Variants in SF3B1 observed in about 807,000 individuals in gnomAD.
SF3B1 encodes pre-mRNA processing 10.
In SF3B1, 12 loss-of-function variants were observed where a neutral mutation model predicts 153.8. The ratio of observed to expected loss-of-function variants is 0.08; its 90% CI spans 0.05 to 0.13. The LOEUF is 0.13. Among genes scored for constraint, SF3B1 ranks in the 10% least tolerant of loss-of-function variants. The pLI, the probability that SF3B1 is intolerant of heterozygous loss-of-function variation, is 1.00. For synonymous variants in SF3B1, 498 were observed against 525.2 expected, an observed-to-expected ratio of 0.95 and a Z score of 0.71; for missense variants, 513 against 1,606.1, an observed-to-expected ratio of 0.32 and a Z score of 11.63.
chr2:197,408,163 T>A (rs755538848), intron 8 of SF3B1, 44 bp from the exon 9 acceptor site: 1 of 1,519,290 alleles, frequency 6.6e-7, no homozygotes. Context: ...AGTACAAGAC[T>A]GTATTATTAC....
At chr2:197,394,184 C>CA (rs899536134) in intron 23 of SF3B1, among the ~76,000 whole-genome samples, 75 of 144,642 alleles carry the variant, frequency 5.2e-4, no homozygotes, top group South Asian at 1.5e-3. Context: ...AACTCTGTCT[C>CA]AAAAAAAAAA....
At chr2:197,414,912 G>A (rs879365896) in intron 6 of SF3B1, among the ~76,000 whole-genome samples, 1 of 152,008 alleles carries the variant, frequency 6.6e-6, no homozygotes, top group Non-Finnish European at 1.5e-5. Flanking sequence ...GTTGAGGTGG[G>A]AAGATCATTT....
intron 1 of SF3B1, among the ~76,000 whole-genome samples, chr2:197,425,842 A>G (rs2085327415): frequency 1.3e-5 from 2 of 152,020 alleles, no homozygotes; most frequent in East Asian, 3.9e-4. Context: ...TCTACAAAAA[A>G]TACTAAAATT....
chr2:197,392,233 T>C lies in SF3B1; in HGVS notation c.*70A>G, dbSNP rs2084817112. ...CACTGATCTGCAATGTTTAAAAGTT[T>C]ACATCACCAAATCAAAGCAAGTTTA... On this transcript the variant is annotated 3_prime_UTR_variant, in exon 25 of 25. Transcript: ENST00000335508. 1 of 704,234 alleles carries C rather than the reference T, an allele frequency of 1.4e-6. No individual in the cohort carries two copies. The highest frequency in any genetic ancestry group is 2.5e-5 in the East Asian group (1 of 39,382). 43.6% of individuals were successfully genotyped at this position (704,234 alleles called of 1,614,324 possible). A position where few individuals can be genotyped will look rare whatever the true frequency, so the allele number is the denominator to read the frequency against.
chr2:197,393,259 C>A, intron 23 of SF3B1, 71 bp from the exon 24 acceptor site: 1 of 971,334 alleles, frequency 1.0e-6, no homozygotes. Context: ...CTTAAAGATA[C>A]AGTCTTAGTT....
Position 197,401,350 on chromosome 2 carries a change from G to A in SF3B1, c.2496+50C>T. 6.6e-7 allele frequency: 1 copy of A among 1,525,150 alleles called. No individual in the cohort carries two copies. Among genetic ancestry groups the A allele is most frequent in the South Asian group, 1.2e-5 (1 of 82,528 alleles). 94.5% of individuals were successfully genotyped at this position (1,525,150 alleles called of 1,614,324 possible). On this transcript the variant is annotated intron_variant, in intron 17 of 24. Transcript: ENST00000335508. This position sits in a 1 kb window ranked among gnomAD's most constrained non-coding sequence, Gnocchi z 4.2. ...ACAACATGCATTCAAGTTGACTAAAGAATGAGTTGAAAGGACTTTTGAGAA... is the reference window on the plus strand; with the variant it reads ...ACAACATGCATTCAAGTTGACTAAAAAATGAGTTGAAAGGACTTTTGAGAA...
chr2:197,406,960 T>G (rs2105992558), intron 9 of SF3B1, among the ~76,000 whole-genome samples: 1 of 152,086 alleles, frequency 6.6e-6, no homozygotes, highest in South Asian at 2.1e-4. Context: ...TGGTAGTGCA[T>G]GCCTGTAGCC....
chr2:197,401,917 T>C lies in SF3B1; in HGVS notation c.2224-29A>G. ...TTTTTAAATAAAAAATATATGTACT[T>C]TAGTAATTTAGATTTATGTCGCCTT... On this transcript the variant is annotated intron_variant, in intron 15 of 24. Transcript: ENST00000335508. This position sits in a 1 kb window ranked among gnomAD's most constrained non-coding sequence, Gnocchi z 4.2. 6.3e-7 allele frequency: 1 copy of C among 1,587,864 alleles called. No individual in the cohort carries two copies. Among genetic ancestry groups the C allele is most frequent in the Non-Finnish European group, 8.5e-7 (1 of 1,170,310 alleles).
chr2:197,401,303 T>A lies in SF3B1; in HGVS notation c.2496+97A>T. The A allele has an allele frequency of 9.0e-7, 1 of 1,114,498 alleles. No individual in the cohort carries two copies. Among genetic ancestry groups the A allele is most frequent in the Non-Finnish European group, 1.3e-6 (1 of 770,998 alleles). 69.0% of individuals were successfully genotyped at this position (1,114,498 alleles called of 1,614,324 possible). ...AATCAAGCACATATAAACTGTGAGA[T>A]AATCAAGGCAAAAAATAATATACAA... is the stretch of plus-strand genomic sequence containing the variant. On this transcript the variant is annotated intron_variant, in intron 17 of 24. Transcript: ENST00000335508. This position sits in a 1 kb window ranked among gnomAD's most constrained non-coding sequence, Gnocchi z 4.2.
At chr2:197,420,585 TAACAA>T (rs768770316) in intron 3 of SF3B1, 43 bp from the exon 4 acceptor site, 2 of 1,311,124 alleles carry the variant, frequency 1.5e-6, no homozygotes, top group South Asian at 1.3e-5. Context: ...TTTATTAAAA[TAACAA>T]AACAGAATAT....
In SF3B1 at chr2:197,433,189, C is replaced by T. The variant is rs1388834120; in HGVS notation, c.28+1783G>A. On this transcript the variant is annotated intron_variant, in intron 1 of 24. Coordinates refer to ENST00000335508, the MANE Select transcript of SF3B1 (RefSeq NM_012433.4). ...CTACTAAACATTTATCATCCCCTGA[C>T]ATATCCCATAGGGATGGGCACAGAC... 2.0e-5 allele frequency among the ~76,000 whole-genome samples: 3 copies of T among 152,364 alleles called. No individual in the cohort carries two copies. The East Asian group carries it at 5.8e-4, about 29-fold the overall frequency.
rs2084959004 is a variant in SF3B1, at chr2:197,403,733, C to T, written c.1571G>A (p.Arg524His). The T allele has an allele frequency of 1.3e-6, 2 of 1,593,224 alleles. No individual in the cohort carries two copies. Among genetic ancestry groups the T allele is most frequent in the Admixed American group, 1.8e-5 (1 of 54,520 alleles). Residue 524 changes from arginine to histidine, a missense_variant, in exon 12 of 25, where the codon CGT (arginine) becomes CAT (histidine). Arg to His is a conservative substitution (Grantham distance 29). Around this residue, in one of 21 missense-constraint regions of SF3B1, gnomAD observed 34 missense variants for 190.8 expected, o/e 0.18. Transcript: ENST00000335508. ...AALRQITDKA[R>H]EFGAGPLFNQ... The stretch of plus-strand genomic sequence containing the variant: ...AAACAAAGGACCAGCTCCAAATTCA[C>T]GAGCTTTATCAGTAATCTGACGCAA...
At chr2:197,423,264 G>A (rs1306481701) in intron 2 of SF3B1, among the ~76,000 whole-genome samples, 1 of 151,754 alleles carries the variant, frequency 6.6e-6, no homozygotes, top group African/African-American at 2.4e-5. Flanking sequence ...GCAGGCGCCT[G>A]TAATCCCAGC....
In SF3B1 at chr2:197,408,001, A is replaced by G. The variant is rs1341640684; in HGVS notation, c.1236T>C (p.Tyr412=). 6.8e-6 allele frequency: 11 copies of G among 1,612,444 alleles called. No individual in the cohort carries two copies. Among genetic ancestry groups the G allele is most frequent in the South Asian group, 1.1e-5 (1 of 91,020 alleles). ...TCATTCAAATTTGATGTACTACCTT[A>G]TATCCTTCTGGGAACATAGCATCTA... ...EELDAMFPEG[Y]KVLPPPAGYV... The change falls in exon 9 of 25, where the codon TAT becomes TAC. Residue 412 remains tyrosine, a synonymous_variant. Coordinates refer to ENST00000335508, the MANE Select transcript of SF3B1 (RefSeq NM_012433.4).
At chr2:197,408,807 C>A in intron 7 of SF3B1, 1 of 512,382 alleles carries the variant, frequency 2.0e-6, no homozygotes, top group Non-Finnish European at 3.5e-6. Context: ...CTTGTAATCC[C>A]AGCTACTCAG....
In SF3B1 at chr2:197,423,788, G is replaced by T. The variant is rs1462156475; in HGVS notation, c.195+20C>A. 2 of 1,610,610 alleles carry T rather than the reference G, an allele frequency of 1.2e-6. No individual in the cohort carries two copies. The highest frequency in any genetic ancestry group is 2.2e-5 in the East Asian group (1 of 44,848). On this transcript the variant is annotated intron_variant, in intron 2 of 24. Coordinates refer to ENST00000335508, the MANE Select transcript of SF3B1 (RefSeq NM_012433.4). The stretch of plus-strand genomic sequence containing the variant: ...TCTCTCAAAAAAATAACTGCCTCTT[G>T]TACATAATTTGTAACTTACATCTTC...
At chr2:197,428,763 G>A (rs1283856803) in intron 1 of SF3B1, among the ~76,000 whole-genome samples, 1 of 151,972 alleles carries the variant, frequency 6.6e-6, no homozygotes, top group Non-Finnish European at 1.5e-5. Flanking sequence ...ACATGGTGGT[G>A]GCACGCCTGT....
Position 197,391,344 on chromosome 2 carries a change from T to C in SF3B1, c.*959A>G, listed in dbSNP as rs533603993. The C allele has an allele frequency of 1.3e-5, 2 of 152,290 alleles. No individual in the cohort carries two copies. Among genetic ancestry groups the C allele is most frequent in the Admixed American group, 1.3e-4 (2 of 15,296 alleles). 9.4% of individuals were successfully genotyped at this position (152,290 alleles called of 1,614,324 possible). On this transcript the variant is annotated 3_prime_UTR_variant, in exon 25 of 25. Coordinates refer to ENST00000335508, the MANE Select transcript of SF3B1 (RefSeq NM_012433.4). ...ATCTGTCACAAGGTTTGTCTCCCCT[T>C]CTCCATTATACTGTTCTTAAAGGTA... is the stretch of plus-strand genomic sequence containing the variant.
rs2084976390 is a variant in SF3B1, at chr2:197,405,136, T to C, written c.1479A>G (p.Lys493=). 2.5e-6 allele frequency: 4 copies of C among 1,612,828 alleles called. No homozygotes were observed. Among genetic ancestry groups the C allele is most frequent in the Non-Finnish European group, 2.5e-6 (3 of 1,179,278 alleles). ...AAAGCAACTTCATTATTTTTCTCTC[T>C]TTTTGCTCTTCTGGACTAAGTGTTG... ...DESTLSPEEQ[K]ERKIMKLLLK... is the part of the protein sequence containing the mutation. Residue 493 remains lysine, a synonymous_variant, in exon 11 of 25, where the codon AAA becomes AAG. Coordinates refer to ENST00000335508, the MANE Select transcript of SF3B1 (RefSeq NM_012433.4).
Sources: gnomAD v4.1 joint callset for allele counts (sites outside exome capture counted in the v4.1 genomes callset) on GRCh38, gnomAD v4.1.1 for gene constraint, gnomAD v4.1.1 regional missense constraint, Gnocchi (gnomAD v3.1) non-coding constraint, MANE v1.5 for transcripts, NCBI Gene and HGNC (gene_info 2026-07-23, HGNC 2026-07-21) for gene names.